Variants in SLIT2 observed in about 807,000 individuals in gnomAD.
SLIT2 encodes the protein slit guidance ligand 2.
A neutral mutation model predicts 185.7 loss-of-function variants in SLIT2; 41 were observed. The observed-to-expected ratio is 0.22, with a 90% CI of 0.17 to 0.29. SLIT2 has a LOEUF of 0.29. Among genes scored for constraint, SLIT2 ranks in the 10% least tolerant of loss-of-function variants. The pLI, the probability that SLIT2 is intolerant of heterozygous loss-of-function variation, is 1.00. For missense variants in SLIT2, 1,571 were observed against 1,909.0 expected (o/e 0.82, Z 3.30); for synonymous variants, 693 against 680.2 (o/e 1.02, Z -0.29).
At chr4:20,453,120 A>G (rs1300785900) in intron 4 of SLIT2, among the ~76,000 whole-genome samples, 2 of 152,212 alleles carry the variant, frequency 1.3e-5, no homozygotes, top group African/African-American at 4.8e-5. Flanking sequence ...AAAAATTATA[A>G]TATGACTTTT....
chr4:20,535,039 G>T (rs1001947537), intron 18 of SLIT2, among the ~76,000 whole-genome samples: 1 of 152,216 alleles, frequency 6.6e-6, no homozygotes, highest in South Asian at 2.1e-4. Flanking sequence ...GGTGGCTCAT[G>T]CCTGTAATCC....
intron 4 of SLIT2, among the ~76,000 whole-genome samples, chr4:20,282,531 T>G (rs188383030): frequency 6.6e-6 from 1 of 152,294 alleles, no homozygotes; most frequent in Admixed American, 6.5e-5. Flanking sequence ...ACTAATTTTA[T>G]ATTATATTTC....
chr4:20,255,163 G>A, intron 1 of SLIT2: 1 of 403,772 alleles, frequency 2.5e-6, no homozygotes, highest in Non-Finnish European at 4.9e-6. Flanking sequence ...GTCTGGATTC[G>A]TCCCGCGGCC....
At chr4:20,543,983 G>A (rs1723037042) in intron 21 of SLIT2, among the ~76,000 whole-genome samples, 1 of 151,952 alleles carries the variant, frequency 6.6e-6, no homozygotes, top group African/African-American at 2.4e-5. Flanking sequence ...AGAATATTCT[G>A]TGTCCACAGG....
At chr4:20,406,229 T>C (rs1726764781) in intron 4 of SLIT2, among the ~76,000 whole-genome samples, 2 of 144,430 alleles carry the variant, frequency 1.4e-5, no homozygotes, top group African/African-American at 2.4e-5. Context: ...CATAGAATAG[T>C]TTCCAAATCC....
chr4:20,580,974 A>T (rs1726512846), intron 29 of SLIT2, among the ~76,000 whole-genome samples: 1 of 152,196 alleles, frequency 6.6e-6, no homozygotes, highest in South Asian at 2.1e-4. Flanking sequence ...AAGAAAAAGG[A>T]AGAAATAGTG....
chr4:20,584,685 G>A (rs1577971657), intron 29 of SLIT2, among the ~76,000 whole-genome samples: 1 of 152,188 alleles, frequency 6.6e-6, no homozygotes, highest in African/African-American at 2.4e-5. Context: ...TTCACAAGTT[G>A]TAATAGTGTT....
At chr4:20,478,856 T>G (rs967297750) in intron 5 of SLIT2, among the ~76,000 whole-genome samples, 20 of 152,166 alleles carry the variant, frequency 1.3e-4, no homozygotes, top group Non-Finnish European at 2.5e-4. Context: ...GGCTATTAAC[T>G]TAATTGTTAA....
At chr4:20,592,812 CTTG>C (rs1250353501) in intron 30 of SLIT2, among the ~76,000 whole-genome samples, 7 of 152,090 alleles carry the variant, frequency 4.6e-5, no homozygotes, top group Non-Finnish European at 8.8e-5. Context: ...TAACTTCAGA[CTTG>C]TTGTTTACTT....
In SLIT2 at chr4:20,546,116, A is replaced by G. The variant is rs748321649; in HGVS notation, c.2345+17A>G. On this transcript the variant is annotated intron_variant, in intron 22 of 36. Transcript: ENST00000504154. Reference sequence around the variant, plus strand: ...AACACTTATGTGAGTAACATATTGCACTTTTCTTTGACTTACTCTATTTCC... The same window carrying G: ...AACACTTATGTGAGTAACATATTGCGCTTTTCTTTGACTTACTCTATTTCC... 4 of 1,452,052 alleles carry G rather than the reference A, an allele frequency of 2.8e-6. No individual in the cohort carries two copies. The highest frequency in any genetic ancestry group is 2.4e-5 in the East Asian group (1 of 42,412). 89.9% of individuals were successfully genotyped at this position (1,452,052 alleles called of 1,614,324 possible). A position where few individuals can be genotyped will look rare whatever the true frequency, so the allele number is the denominator to read the frequency against.
chr4:20,295,271 A>G (rs1466747979), intron 4 of SLIT2, among the ~76,000 whole-genome samples: 1 of 152,252 alleles, frequency 6.6e-6, no homozygotes, highest in African/African-American at 2.4e-5. Flanking sequence ...AGCAAGGATG[A>G]TAAAGAGGCC....
At chr4:20,370,929 C>G (rs758881068) in intron 4 of SLIT2, among the ~76,000 whole-genome samples, 5 of 152,076 alleles carry the variant, frequency 3.3e-5, no homozygotes, top group Non-Finnish European at 7.4e-5. Context: ...ACTTAGTGAC[C>G]AAATCACTAG....
At chr4:20,282,041 T>G (rs1714827062) in intron 4 of SLIT2, among the ~76,000 whole-genome samples, 1 of 152,200 alleles carries the variant, frequency 6.6e-6, no homozygotes, top group Non-Finnish European at 1.5e-5. Flanking sequence ...ATCAGAACCT[T>G]TCTGTTGCCG....
At chr4:20,601,904 A>G (rs1004956703) in intron 33 of SLIT2, among the ~76,000 whole-genome samples, 5 of 152,162 alleles carry the variant, frequency 3.3e-5, no homozygotes, top group Admixed American at 2.6e-4. Context: ...CAAATTTTGC[A>G]TTATTTAATA....
At chr4:20,529,212 AAT>A in intron 16 of SLIT2, 113 bp downstream of exon 16, 7 of 729,514 alleles carry the variant, frequency 9.6e-6, no homozygotes, top group African/African-American at 1.8e-5. Flanking sequence ...AATTTTAATT[AAT>A]ATGCATTACA....
intron 4 of SLIT2, among the ~76,000 whole-genome samples, chr4:20,442,805 CT>C (rs1488804563): frequency 6.6e-6 from 1 of 152,090 alleles, no homozygotes; most frequent in Non-Finnish European, 1.5e-5. Flanking sequence ...TGGAATTTTC[CT>C]TTCAGTTGGA....
At chr4:20,566,237 C>T (rs1725083882) in intron 26 of SLIT2, among the ~76,000 whole-genome samples, 1 of 151,852 alleles carries the variant, frequency 6.6e-6, no homozygotes, top group Non-Finnish European at 1.5e-5. Context: ...GCTGCTTGTT[C>T]CAGTGAAGAT....
chr4:20,539,338 T>C (rs1240463009), intron 18 of SLIT2, 103 bp from the exon 19 acceptor site: 9 of 955,210 alleles, frequency 9.4e-6, no homozygotes, highest in Non-Finnish European at 1.3e-5. Flanking sequence ...TAAAAAGTAG[T>C]AATGAATGCT....
intron 19 of SLIT2, among the ~76,000 whole-genome samples, chr4:20,540,341 C>A (rs545910606): frequency 1.3e-5 from 2 of 150,690 alleles, no homozygotes; most frequent in East Asian, 3.9e-4. Flanking sequence ...ATTAGGATGA[C>A]CAGATCAAAA....
Sources: gnomAD v4.1 joint callset for allele counts (sites outside exome capture counted in the v4.1 genomes callset) on GRCh38, gnomAD v4.1.1 for gene constraint, MANE v1.5 for transcripts, NCBI Gene and HGNC (gene_info 2026-07-23, HGNC 2026-07-21) for gene names.